ARPC3: variants seen among roughly 807,000 people sequenced by gnomAD.
ARPC3 encodes the protein actin-related protein 2/3 complex subunit 3.
Under a neutral mutation model 27.6 loss-of-function variants are expected in ARPC3, and 12 were observed. The ratio of observed to expected loss-of-function variants is 0.43; its 90% CI spans 0.28 to 0.70. ARPC3 has a LOEUF of 0.70. Among genes scored for constraint, ARPC3 ranks in the 30% least tolerant of loss-of-function variants. The probability of loss-of-function intolerance (pLI) is 0.17; values close to 1 mark genes in which losing one functional copy is unlikely to be tolerated. For missense variants in ARPC3, 153 were observed against 207.7 expected, an observed-to-expected ratio of 0.74 and a Z score of 1.62; for synonymous variants, 53 against 67.2, an observed-to-expected ratio of 0.79 and a Z score of 1.03.
At chr12:110,437,194 A>AT (rs1566294500) in intron 3 of ARPC3, 42 bp from the exon 4 acceptor site, 1 of 1,323,302 alleles carries the variant, frequency 7.6e-7, no homozygotes, top group Admixed American at 1.7e-5. Context: ...TTATCAAAAC[A>AT]TAACAATGAT....
chr12:110,436,304 T>A, intron 5 of ARPC3, 100 bp from the exon 6 acceptor site: 1 of 1,123,304 alleles, frequency 8.9e-7, no homozygotes, highest in Non-Finnish European at 1.3e-6. Context: ...TTTTTATACA[T>A]TTGAACAGGA....
intron 1 of ARPC3, among the ~76,000 whole-genome samples, chr12:110,446,237 C>T (rs2062463654): frequency 6.6e-6 from 1 of 151,338 alleles, no homozygotes; most frequent in Non-Finnish European, 1.5e-5. Flanking sequence ...GTTCCTCCTG[C>T]CTCAGCCTCC....
intron 2 of ARPC3, among the ~76,000 whole-genome samples, chr12:110,440,952 C>T (rs2062433660): frequency 6.6e-6 from 1 of 151,508 alleles, no homozygotes; most frequent in Admixed American, 6.6e-5. Context: ...ACGGCATTCT[C>T]CTGCCTCAGC....
chr12:110,450,268 G>A lies in ARPC3; in HGVS notation c.-8C>T, dbSNP rs772662873. 6.2e-7 allele frequency: 1 copy of A among 1,614,078 alleles called. No homozygotes were observed. Among genetic ancestry groups the A allele is most frequent in the Non-Finnish European group, 8.5e-7 (1 of 1,179,978 alleles). On this transcript the variant is annotated 5_prime_UTR_variant, in exon 1 of 7. Coordinates refer to ENST00000228825, the MANE Select transcript of ARPC3 (RefSeq NM_001278556.2). ...TCGAACCCTCACCGGCATCTTGGCG[G>A]CGCCCGGGTTTCAACCCAGAGGAGC...
At chr12:110,444,578 C>T (rs2062454532) in intron 2 of ARPC3, among the ~76,000 whole-genome samples, 1 of 152,200 alleles carries the variant, frequency 6.6e-6, no homozygotes. Flanking sequence ...AGCCACCGCA[C>T]CCAGCCTTGT....
At chr12:110,438,735 C>A (rs1449793554) in intron 3 of ARPC3, among the ~76,000 whole-genome samples, 1 of 150,682 alleles carries the variant, frequency 6.6e-6, no homozygotes, top group Non-Finnish European at 1.5e-5. Context: ...CCTCTGCCTC[C>A]TGGGTTCAAG....
intron 2 of ARPC3, among the ~76,000 whole-genome samples, chr12:110,443,647 G>A (rs529719613): frequency 6.6e-6 from 1 of 152,006 alleles, no homozygotes; most frequent in African/African-American, 2.4e-5. Flanking sequence ...TGGCCAGGCT[G>A]GTCTCAAACT....
At chr12:110,446,941 G>C (rs1156343849) in intron 1 of ARPC3, among the ~76,000 whole-genome samples, 2 of 152,172 alleles carry the variant, frequency 1.3e-5, no homozygotes, top group Non-Finnish European at 2.9e-5. Flanking sequence ...TTTTACTATT[G>C]TCTATGTTCT....
intron 4 of ARPC3, 30 bp from the exon 5 acceptor site, chr12:110,436,713 C>T (rs202224082): frequency 0.037 from 4,769 of 129,136 alleles, 108 homozygotes; most frequent in African/African-American, 0.12. Context: ...TATATATATA[C>T]ACACACACAC....
chr12:110,447,807 A>C (rs186208104), intron 1 of ARPC3, among the ~76,000 whole-genome samples: 74 of 152,006 alleles, frequency 4.9e-4, no homozygotes, highest in Middle Eastern at 3.4e-3. Flanking sequence ...TCCCCCCAAA[A>C]AAACAAACAA....
chr12:110,445,711 T>G (rs1028046231), intron 1 of ARPC3, 160 bp from the exon 2 acceptor site: 1 of 661,074 alleles, frequency 1.5e-6, no homozygotes, highest in African/African-American at 1.8e-5. Flanking sequence ...TGGTTCTTTC[T>G]GGCTCAAGAA....
intron 1 of ARPC3, among the ~76,000 whole-genome samples, chr12:110,447,051 T>C (rs1283640967): frequency 1.3e-5 from 2 of 152,202 alleles, no homozygotes; most frequent in African/African-American, 4.8e-5. Context: ...CCAAAGTATT[T>C]CCACTACAGA....
chr12:110,436,343 T>C, intron 5 of ARPC3, 139 bp from the exon 6 acceptor site: 1 of 1,097,618 alleles, frequency 9.1e-7, no homozygotes, highest in East Asian at 2.5e-5. Flanking sequence ...GTCCAGATAG[T>C]TTTATAACTA....
intron 2 of ARPC3, among the ~76,000 whole-genome samples, chr12:110,441,647 C>T (rs1036182777): frequency 1.3e-5 from 2 of 152,070 alleles, no homozygotes; most frequent in African/African-American, 4.8e-5. Flanking sequence ...CCTCCTGCTT[C>T]AGCTTCCCAG....
intron 2 of ARPC3, among the ~76,000 whole-genome samples, chr12:110,443,218 ACGCCATTCTC>A: frequency 6.6e-6 from 1 of 151,556 alleles, no homozygotes; most frequent in African/African-American, 2.4e-5. Context: ...TCCTGGGTTC[ACGCCATTCTC>A]CTGCCTCAGC....
chr12:110,440,558 T>C (rs2062429745), intron 2 of ARPC3, 170 bp from the exon 3 acceptor site: 1 of 603,194 alleles, frequency 1.7e-6, no homozygotes. Context: ...TTATTTGTTT[T>C]TTTTTTGAGA....
chr12:110,435,125 C>A lies in ARPC3; in HGVS notation c.*30G>T. ...TCTTGCTGGAAAATGCTGCCCAGGGCTCTGGAGACGGTGGCTGCCCGGGCT... is the reference window on the plus strand; with the variant it reads ...TCTTGCTGGAAAATGCTGCCCAGGGATCTGGAGACGGTGGCTGCCCGGGCT... On this transcript the variant is annotated 3_prime_UTR_variant, in exon 7 of 7. Coordinates refer to ENST00000228825, the MANE Select transcript of ARPC3 (RefSeq NM_001278556.2). The A allele has an allele frequency of 6.3e-7, 1 of 1,589,190 alleles. No individual in the cohort carries two copies. The highest frequency in any genetic ancestry group is 8.6e-7 in the Non-Finnish European group (1 of 1,157,862).
chr12:110,436,546 C>T lies in ARPC3; in HGVS notation c.379+11G>A. Reference sequence around the variant, plus strand: ...TTGTGTCACAGAGTGAGGATAGAGACCTGTTCTTACCATCTTCCTGTTTGT... The same window carrying T: ...TTGTGTCACAGAGTGAGGATAGAGATCTGTTCTTACCATCTTCCTGTTTGT... On this transcript the variant is annotated intron_variant, in intron 5 of 6. Transcript: ENST00000228825. The T allele has an allele frequency of 1.9e-6, 3 of 1,613,792 alleles. No individual in the cohort carries two copies. The highest frequency in any genetic ancestry group is 2.5e-6 in the Non-Finnish European group (3 of 1,179,932).
At chr12:110,443,829 G>A (rs567232551) in intron 2 of ARPC3, among the ~76,000 whole-genome samples, 3 of 152,170 alleles carry the variant, frequency 2.0e-5, no homozygotes, top group Admixed American at 6.6e-5. Context: ...TGACAGGAGG[G>A]GGCAAAGGCC....
Sources: allele counts gnomAD v4.1 joint callset (sites outside exome capture counted in the v4.1 genomes callset), GRCh38; gene constraint gnomAD v4.1.1; transcripts MANE v1.5; gene names NCBI Gene and HGNC (gene_info 2026-07-23, HGNC 2026-07-21).